CIRBP: variants seen among roughly 807,000 people sequenced by gnomAD.
The protein encoded by CIRBP is cold inducible RNA binding protein, also known as cold-inducible RNA-binding protein.
In CIRBP, 11 loss-of-function variants were observed where a neutral mutation model predicts 22.3. That is an observed-to-expected ratio of 0.49 (90% confidence interval 0.31 to 0.82). The LOEUF (loss-of-function observed/expected upper bound fraction) is 0.82, where lower values mean the gene tolerates loss of function less well. Ranked by LOEUF, CIRBP falls within the 40% of genes least tolerant of loss-of-function variation. CIRBP has a pLI of 0.05. For missense variants in CIRBP, 456 were observed against 402.7 expected (o/e 1.13, Z -1.13); for synonymous variants, 216 against 158.8 (o/e 1.36, Z -2.71).
At position 1,271,316 on chromosome 19, in the gene CIRBP, C is replaced by T. The variant is rs543986497; in HGVS notation, c.211-13C>T. On this transcript the variant is annotated splice_polypyrimidine_tract_variant and intron_variant, in intron 3 of 5. Coordinates refer to ENST00000587896, the MANE Select transcript of CIRBP (RefSeq NM_001300829.2). Reference sequence around the variant, plus strand: ...GCACCCACCTGCTAACCCGTCCCGCCCTCTGTCTCCAGTCTGTAGATGGAC... The same window carrying T: ...GCACCCACCTGCTAACCCGTCCCGCTCTCTGTCTCCAGTCTGTAGATGGAC... 3.6e-5 allele frequency: 58 copies of T among 1,613,934 alleles called. No individual in the cohort carries two copies. Among genetic ancestry groups the T allele is most frequent in the Admixed American group, 2.0e-4 (12 of 60,004 alleles).
At position 1,272,192 on chromosome 19, in the gene CIRBP, CAG is replaced by C. The variant is rs751099436; in HGVS notation, c.646_647del (p.Ser216ProfsTer11). Reference sequence around the variant, plus strand: ...CCCAGAAGAGGCGCATCTGTCCTCTCAGAGCCATTTCTATCGCAGGACGCAAA... The same window carrying C: ...CCCAGAAGAGGCGCATCTGTCCTCTCAGCCATTTCTATCGCAGGACGCAAA... The part of the protein sequence containing the change: ...ACPEEAHLSS[Q>X]SHFYRRTQKP... On this transcript the variant is annotated frameshift_variant, in exon 6 of 6. Coordinates refer to ENST00000587896, the MANE Select transcript of CIRBP (RefSeq NM_001300829.2). LOFTEE classifies it low-confidence loss of function (END_TRUNC). The C allele has an allele frequency of 1.9e-6, 3 of 1,597,136 alleles. No homozygotes were observed. Among genetic ancestry groups the C allele is most frequent in the Non-Finnish European group, 2.6e-6 (3 of 1,172,674 alleles).
At chr19:1,270,329 C>T (rs2081317968) in intron 1 of CIRBP, 1 of 354,776 alleles carries the variant, frequency 2.8e-6, no homozygotes, top group South Asian at 2.1e-5. Context: ...GGAGTTGGCA[C>T]CCGTTCGGAA....
In CIRBP at chr19:1,270,289, G is replaced by C. The variant is rs529789184; in HGVS notation, c.-6-639G>C. ...GTGAGCAGAAGCACGTTCTGGTCCA[G>C]CAACAAGTAGATGTCAGTTGGTTAG... On this transcript the variant is annotated intron_variant, in intron 1 of 5. Coordinates refer to ENST00000587896, the MANE Select transcript of CIRBP (RefSeq NM_001300829.2). 15 of 363,840 alleles carry C rather than the reference G, an allele frequency of 4.1e-5. No individual in the cohort carries two copies. The East Asian group carries it at 1.1e-3, about 27-fold the overall frequency. 22.5% of individuals were successfully genotyped at this position (363,840 alleles called of 1,614,324 possible).
At chr19:1,269,903 C>A (rs528814840) in intron 1 of CIRBP, 1 of 519,894 alleles carries the variant, frequency 1.9e-6, no homozygotes. Flanking sequence ...TAGGCGTGGC[C>A]CGTTCTAGTG....
chr19:1,270,437 A>G (rs1427312478), intron 1 of CIRBP, among the ~76,000 whole-genome samples: 1 of 152,100 alleles, frequency 6.6e-6, no homozygotes, highest in Non-Finnish European at 1.5e-5. Flanking sequence ...GCCTGCCTTC[A>G]GTCTTGGGGG....
In CIRBP at chr19:1,272,026, C is replaced by T; in HGVS notation, c.477C>T (p.Ser159=). Residue 159 remains serine (S), a synonymous_variant, in exon 6 of 6, where the codon TCC becomes TCT. Transcript: ENST00000587896. ...ACAGTGACCGGAGCTCGGGCGGGTC[C>T]TACAGAGACAGTTATGACAGTTACG... ...GGYSDRSSGG[S]YRDSYDSYGK... 6.2e-7 allele frequency: 1 copy of T among 1,613,966 alleles called. No individual in the cohort carries two copies. Among genetic ancestry groups the T allele is most frequent in the Non-Finnish European group, 8.5e-7 (1 of 1,179,868 alleles).
chr19:1,271,272 G>A, intron 3 of CIRBP, 26 bp downstream of exon 3: 1 of 1,614,038 alleles, frequency 6.2e-7, no homozygotes, highest in South Asian at 1.1e-5. Context: ...CTGAGCAGGA[G>A]TCCCGTCTCG....
Position 1,272,081 on chromosome 19 carries a change from C to T in CIRBP, c.532C>T (p.Leu178=). 6.2e-7 allele frequency: 1 copy of T among 1,614,098 alleles called. No individual in the cohort carries two copies. Among genetic ancestry groups the T allele is most frequent in the Non-Finnish European group, 8.5e-7 (1 of 1,180,008 alleles). Residue 178 remains leucine, a synonymous_variant, in exon 6 of 6, where the codon CTG becomes TTG. Coordinates refer to ENST00000587896, the MANE Select transcript of CIRBP (RefSeq NM_001300829.2). ...GTCACACTCCGAGGGCGCCACGCTGCTGTGGCCTGCGGTGGGAGCTCGGTT... is the reference window on the plus strand; with the variant it reads ...GTCACACTCCGAGGGCGCCACGCTGTTGTGGCCTGCGGTGGGAGCTCGGTT... ...GKSHSEGATL[L]WPAVGARFTL...
chr19:1,271,713 C>T, intron 5 of CIRBP, 81 bp downstream of exon 5: 3 of 940,106 alleles, frequency 3.2e-6, no homozygotes, highest in African/African-American at 1.7e-5. Flanking sequence ...CCTGGGGGAG[C>T]TGAGATGAGA....
At chr19:1,270,032 C>T (rs757311670) in intron 1 of CIRBP, 1 of 519,892 alleles carries the variant, frequency 1.9e-6, no homozygotes, top group Non-Finnish European at 3.8e-6. Flanking sequence ...CCATTCCCAG[C>T]CAGTGAATGC....
Position 1,273,932 on chromosome 19 carries a change from A to G in CIRBP, c.*1489A>G, listed in dbSNP as rs1304019629. The G allele has an allele frequency of 5.3e-6, 1 of 188,782 alleles. No homozygotes were observed. The highest frequency in any genetic ancestry group is 1.1e-5 in the Non-Finnish European group (1 of 92,808). The allele number at this position is 188,782 out of a possible 1,614,324, so 11.7% of individuals were successfully genotyped here. A position where few individuals can be genotyped will look rare whatever the true frequency, so the allele number is the denominator to read the frequency against. ...GGGCCCAGTCATGCCTGGCTCATAG[A>G]TGAAATCCCTTAAGCAGGATTGAAG... On this transcript the variant is annotated 3_prime_UTR_variant, in exon 6 of 6. Transcript: ENST00000587896.
At chr19:1,270,098 C>T in intron 1 of CIRBP, 1 of 519,608 alleles carries the variant, frequency 1.9e-6, no homozygotes, top group Non-Finnish European at 3.9e-6. Context: ...CTAAATGCCA[C>T]TTCCCCTGCC....
intron 1 of CIRBP, 131 bp from the exon 2 acceptor site, chr19:1,270,797 G>T: frequency 1.3e-6 from 1 of 747,448 alleles, no homozygotes. Context: ...ATGAGTTTGA[G>T]ATAATGAAAA....
chr19:1,271,259 G>T lies in CIRBP; in HGVS notation c.210+13G>T. On this transcript the variant is annotated intron_variant, in intron 3 of 5. Transcript: ENST00000587896. ...CATGAATGGGAAGGTGAGGATCAGG[G>T]TGCTGAGCAGGAGTCCCGTCTCGAG... The T allele has an allele frequency of 2.5e-6, 4 of 1,614,036 alleles. No homozygotes were observed. Among genetic ancestry groups the T allele is most frequent in the Non-Finnish European group, 3.4e-6 (4 of 1,179,996 alleles).
At chr19:1,271,789 A>G in intron 5 of CIRBP, 157 bp downstream of exon 5, 1 of 702,926 alleles carries the variant, frequency 1.4e-6, no homozygotes. Flanking sequence ...TGCTCAGGAC[A>G]TTCGCAGAAG....
Position 1,272,209 on chromosome 19 carries a change from C to G in CIRBP, c.660C>G (p.Arg220=). The G allele has an allele frequency of 6.3e-7, 1 of 1,594,072 alleles. No individual in the cohort carries two copies. The change falls in exon 6 of 6, where the codon CGC becomes CGG. Residue 220 remains arginine, a synonymous_variant. Coordinates refer to ENST00000587896, the MANE Select transcript of CIRBP (RefSeq NM_001300829.2). ...AHLSSQSHFY[R]RTQKPNETDQ... ...TGTCCTCTCAGAGCCATTTCTATCG[C>G]AGGACGCAAAAGCCAAATGAGACTG...
chr19:1,270,306 G>C (rs2081317559), intron 1 of CIRBP: 1 of 360,850 alleles, frequency 2.8e-6, no homozygotes, highest in Non-Finnish European at 5.5e-6. Flanking sequence ...GTAGATGTCA[G>C]TTGGTTAGGG....
chr19:1,271,080 T>C, intron 2 of CIRBP, 44 bp downstream of exon 2: 2 of 1,610,350 alleles, frequency 1.2e-6, no homozygotes, highest in Non-Finnish European at 1.7e-6. Flanking sequence ...GGGGGGCTTG[T>C]GCTCCTCCTA....
In CIRBP at chr19:1,271,562, C is replaced by T; in HGVS notation, c.361C>T (p.Arg121Ter). Residue 121 changes from arginine to a stop codon, truncating the protein, a stop_gained, in exon 5 of 6, where the codon CGA becomes TGA. Coordinates refer to ENST00000587896, the MANE Select transcript of CIRBP (RefSeq NM_001300829.2). LOFTEE classifies it high-confidence loss of function. Reference protein sequence around the residue: ...GRGFSRGGGDRGYGGNRFESR... With the variant: ...GRGFSRGGGD ...TCCTGTATGTGCAGGAGGAGGGGAC[C>T]GAGGCTATGGGGGGAACCGGTTCGA... The T allele has an allele frequency of 6.3e-7, 1 of 1,581,206 alleles. No homozygotes were observed. The highest frequency in any genetic ancestry group is 1.2e-5 in the South Asian group (1 of 86,948).
Sources: gnomAD v4.1 joint callset for allele counts (sites outside exome capture counted in the v4.1 genomes callset) on GRCh38, gnomAD v4.1.1 for gene constraint, MANE v1.5 for transcripts, NCBI Gene and HGNC (gene_info 2026-07-23, HGNC 2026-07-21) for gene names.